IKZF2: variants seen among roughly 807,000 people sequenced by gnomAD.
IKZF2 encodes the protein zinc finger protein Helios.
IKZF2 carries 15 observed loss-of-function variants against 49.2 expected under a neutral mutation model. The ratio of observed to expected loss-of-function variants is 0.30; its 90% CI spans 0.20 to 0.47. The LOEUF (loss-of-function observed/expected upper bound fraction) is 0.47, where lower values mean the gene tolerates loss of function less well. Ranked by LOEUF, IKZF2 falls within the 20% of genes least tolerant of loss-of-function variation. The probability of loss-of-function intolerance (pLI) is 1.00; values close to 1 mark genes in which losing one functional copy is unlikely to be tolerated. For missense variants in IKZF2, 567 were observed against 664.6 expected (o/e 0.85, Z 1.61); for synonymous variants, 227 against 221.4 (o/e 1.03, Z -0.23).
At chr2:213,133,415 G>A (rs7601016) in intron 4 of IKZF2, among the ~76,000 whole-genome samples, 3,329 of 152,162 alleles carry the variant, frequency 0.022, 132 homozygotes, top group African/African-American at 0.076. Context: ...AGGAAAACTT[G>A]CTCAATTCTG....
At chr2:213,103,904 G>A (rs2059433940) in intron 4 of IKZF2, among the ~76,000 whole-genome samples, 1 of 152,038 alleles carries the variant, frequency 6.6e-6, no homozygotes, top group African/African-American at 2.4e-5. Context: ...GCTAAAAAGA[G>A]TAGTATATTT....
chr2:213,112,930 T>C (rs1361598175), intron 4 of IKZF2, among the ~76,000 whole-genome samples: 1 of 152,140 alleles, frequency 6.6e-6, no homozygotes, highest in Non-Finnish European at 1.5e-5. Flanking sequence ...GTTTGAAATA[T>C]TATATTTGAT....
intron 7 of IKZF2, among the ~76,000 whole-genome samples, chr2:213,016,648 T>C (rs570330192): frequency 1.9e-4 from 29 of 152,300 alleles, no homozygotes; most frequent in African/African-American, 6.7e-4. Flanking sequence ...TTCCCCTGTT[T>C]GAACAAACTT....
intron 4 of IKZF2, among the ~76,000 whole-genome samples, chr2:213,108,821 C>A (rs1377211956): frequency 2.0e-5 from 3 of 151,758 alleles, no homozygotes; most frequent in African/African-American, 7.3e-5. Context: ...AATGTAAAAT[C>A]TATAAAAGTA....
At chr2:213,059,812 C>T (rs923846569) in intron 4 of IKZF2, among the ~76,000 whole-genome samples, 1 of 151,168 alleles carries the variant, frequency 6.6e-6, no homozygotes, top group Non-Finnish European at 1.5e-5. Flanking sequence ...TGAGATATTA[C>T]AAATATAGTT....
intron 6 of IKZF2, 85 bp from the exon 7 acceptor site, chr2:213,022,215 G>A (rs975127491): frequency 7.8e-7 from 1 of 1,276,894 alleles, no homozygotes; most frequent in Non-Finnish European, 1.0e-6. Flanking sequence ...ATAGTCTGGA[G>A]GAAGCACTCA....
intron 2 of IKZF2, 110 bp from the exon 3 acceptor site, chr2:213,148,754 C>T: frequency 1.2e-6 from 1 of 813,460 alleles, no homozygotes; most frequent in East Asian, 2.6e-5. Flanking sequence ...GCTGCTGCCA[C>T]CTGTGCCCAG....
chr2:213,028,210 G>A (rs1393234854), intron 6 of IKZF2, among the ~76,000 whole-genome samples: 1 of 151,920 alleles, frequency 6.6e-6, no homozygotes, highest in Non-Finnish European at 1.5e-5. Flanking sequence ...GACCAATTTG[G>A]GTTCTATTTC....
rs1029341224 is a variant in IKZF2, at chr2:213,032,221, C to G, written c.575-10091G>C. On this transcript the variant is annotated intron_variant, in intron 6 of 8. Transcript: ENST00000434687. The stretch of plus-strand genomic sequence containing the variant: ...ATGAATAATCCAAATTATATAGACT[C>G]TTCCTTTTAATGAGATTTCAATTAA... Among the ~76,000 whole-genome samples the G allele has an allele frequency of 4.6e-5, 7 of 152,132 alleles. No individual in the cohort carries two copies. In the East Asian group the frequency reaches 9.6e-4, roughly 21 times the overall value.
intron 4 of IKZF2, among the ~76,000 whole-genome samples, chr2:213,103,143 G>A (rs551925762): frequency 2.0e-5 from 3 of 152,108 alleles, no homozygotes; most frequent in Non-Finnish European, 4.4e-5. Flanking sequence ...ACTTTGTACA[G>A]GTAAGTCAAC....
At chr2:213,014,170 T>A (rs1038509957) in intron 7 of IKZF2, 1 of 292,274 alleles carries the variant, frequency 3.4e-6, no homozygotes, top group Non-Finnish European at 6.4e-6. Context: ...CATACACTGT[T>A]GCCACTATTG....
chr2:213,013,587 T>C (rs1003273242), intron 8 of IKZF2, among the ~76,000 whole-genome samples: 1 of 152,034 alleles, frequency 6.6e-6, no homozygotes, highest in Non-Finnish European at 1.5e-5. Flanking sequence ...CCACTATCAG[T>C]CTTTATCTCT....
In IKZF2 at chr2:213,039,320, G is replaced by C. The variant is rs188124397; in HGVS notation, c.574+10393C>G. On this transcript the variant is annotated intron_variant, in intron 6 of 8. Coordinates refer to ENST00000434687, the MANE Select transcript of IKZF2 (RefSeq NM_001387220.1). ...TTTTGTGGATAAAATATAGTCCTTG[G>C]AACTATAGGGACTTGAAAAATAAAG... Among the ~76,000 whole-genome samples the C allele has an allele frequency of 3.3e-5, 5 of 151,962 alleles. No homozygotes were observed. The East Asian group carries it at 9.6e-4, about 29-fold the overall frequency.
Position 213,013,871 on chromosome 2 carries a change from G to C in IKZF2, c.776C>G (p.Pro259Arg). 1 of 1,611,934 alleles carries C rather than the reference G, an allele frequency of 6.2e-7. No homozygotes were observed. The highest frequency in any genetic ancestry group is 8.5e-7 in the Non-Finnish European group (1 of 1,178,456). ...CTCTATGACAGCAGGTCTCTCAAAA[G>C]GCACCAGAGAAATATTGTTGTCCAT... ...PIMDNNISLVPFERPAVIEKL... is the reference protein window; with the variant it reads ...PIMDNNISLVRFERPAVIEKL... The change falls in exon 8 of 9, where the codon CCT becomes CGT. Residue 259 changes from proline (P) to arginine (R), a missense_variant. By Grantham distance (103) the Pro-to-Arg change is moderately radical (BLOSUM62 -2). Coordinates refer to ENST00000434687, the MANE Select transcript of IKZF2 (RefSeq NM_001387220.1).
rs1695166875 is a variant in IKZF2, at chr2:213,004,566, T to TACA, written c.*2791_*2793dup. ...AAATCTCACCTAAACAAACTGGGCATACAACTGTTATGTAAAACTTGATTT... is the reference window on the plus strand; with the variant it reads ...AAATCTCACCTAAACAAACTGGGCATACAACAACTGTTATGTAAAACTTGATTT... On this transcript the variant is annotated 3_prime_UTR_variant, in exon 9 of 9. Transcript: ENST00000434687. 6.6e-6 allele frequency: 1 copy of TACA among 151,986 alleles called. No homozygotes were observed. Among genetic ancestry groups the TACA allele is most frequent in the Non-Finnish European group, 1.5e-5 (1 of 67,914 alleles). 9.4% of individuals were successfully genotyped at this position (151,986 alleles called of 1,614,324 possible). A position where few individuals can be genotyped will look rare whatever the true frequency, so the allele number is the denominator to read the frequency against.
chr2:213,022,553 C>G (rs544055207), intron 6 of IKZF2, among the ~76,000 whole-genome samples: 1 of 151,348 alleles, frequency 6.6e-6, no homozygotes, highest in Admixed American at 6.6e-5. Flanking sequence ...CAGAAGAAAA[C>G]TTAAAATGCA....
intron 4 of IKZF2, among the ~76,000 whole-genome samples, chr2:213,107,300 G>C (rs2059566169): frequency 6.6e-6 from 1 of 152,138 alleles, no homozygotes; most frequent in Non-Finnish European, 1.5e-5. Context: ...ATATTTCTTG[G>C]GCAAGGTTTA....
intron 8 of IKZF2, among the ~76,000 whole-genome samples, chr2:213,010,462 C>T (rs1260375984): frequency 6.6e-6 from 1 of 152,056 alleles, no homozygotes; most frequent in Non-Finnish European, 1.5e-5. Flanking sequence ...AGGGAATGTG[C>T]TGATCTGAAG....
Position 213,150,199 on chromosome 2 carries a change from G to C in IKZF2, c.-71C>G, listed in dbSNP as rs2061233390. 1 of 1,302,956 alleles carries C rather than the reference G, an allele frequency of 7.7e-7. No homozygotes were observed. The highest frequency in any genetic ancestry group is 1.0e-6 in the Non-Finnish European group (1 of 987,504). 80.7% of individuals were successfully genotyped at this position (1,302,956 alleles called of 1,614,324 possible). On this transcript the variant is annotated 5_prime_UTR_variant, in exon 2 of 9. Coordinates refer to ENST00000434687, the MANE Select transcript of IKZF2 (RefSeq NM_001387220.1). ...TCATCACCATTTCCAGCTCTGTCGG[G>C]AGATCTCAGCTTCTTCTAACCCCTC...
Sources: gnomAD v4.1 joint callset for allele counts (sites outside exome capture counted in the v4.1 genomes callset) on GRCh38, gnomAD v4.1.1 for gene constraint, MANE v1.5 for transcripts, NCBI Gene and HGNC (gene_info 2026-07-23, HGNC 2026-07-21) for gene names.